COL13A1: variants seen among roughly 807,000 people sequenced by gnomAD.
COL13A1 encodes collagen type XIII alpha 1 chain.
COL13A1 carries 89 observed loss-of-function variants against 130.9 expected under a neutral mutation model. The ratio of observed to expected loss-of-function variants is 0.68; its 90% CI spans 0.57 to 0.81. The LOEUF is 0.81. Ranked by LOEUF, COL13A1 falls within the 30% of genes least tolerant of loss-of-function variation. COL13A1 has a pLI of 0.00. For missense variants in COL13A1, 879 were observed against 934.6 expected (o/e 0.94, Z 0.78); for synonymous variants, 402 against 341.6 (o/e 1.18, Z -1.95).
intron 28 of COL13A1, among the ~76,000 whole-genome samples, 172 bp from the exon 29 acceptor site, chr10:69,929,871 T>G (rs556399257): frequency 6.6e-6 from 1 of 152,304 alleles, no homozygotes; most frequent in Non-Finnish European, 1.5e-5. Context: ...TGGAGTCCTG[T>G]CTGTAGAAGA....
At chr10:69,852,531 C>A (rs1405020435) in intron 2 of COL13A1, among the ~76,000 whole-genome samples, 1 of 152,380 alleles carries the variant, frequency 6.6e-6, no homozygotes, top group African/African-American at 2.4e-5. Flanking sequence ...CCAGCACCAA[C>A]ATAGAGCAGT....
At chr10:69,933,715 G>A (rs879583869) in intron 31 of COL13A1, among the ~76,000 whole-genome samples, 6 of 152,128 alleles carry the variant, frequency 3.9e-5, no homozygotes, top group Admixed American at 6.5e-5. Context: ...AGCATTATAC[G>A]CACATTGTCC....
At chr10:69,923,272 T>A (rs1330490000) in intron 23 of COL13A1, among the ~76,000 whole-genome samples, 1 of 152,182 alleles carries the variant, frequency 6.6e-6, no homozygotes, top group Non-Finnish European at 1.5e-5. Flanking sequence ...ATCTGGTAGG[T>A]GGCAGCAGTG....
chr10:69,866,916 A>C (rs2058577074), intron 2 of COL13A1, among the ~76,000 whole-genome samples: 1 of 152,194 alleles, frequency 6.6e-6, no homozygotes, highest in Admixed American at 6.5e-5. Context: ...GGGGCCGGGC[A>C]GACACACCAG....
chr10:69,937,633 A>AG lies in COL13A1; in HGVS notation c.1801dup. On this transcript the variant is annotated splice_acceptor_variant, in intron 33 of 40. Coordinates refer to ENST00000645393, the MANE Select transcript of COL13A1 (RefSeq NM_001368882.1). LOFTEE classifies it high-confidence loss of function. ...ATCTCGTCCCCTCTCCCTTTCCTCC[A>AG]GGGGGAAGCAGGACTAGATGGAGCA... 4.1e-6 allele frequency: 6 copies of AG among 1,460,510 alleles called. No individual in the cohort carries two copies. Among genetic ancestry groups the AG allele is most frequent in the South Asian group, 1.1e-5 (1 of 87,680 alleles). 90.5% of individuals were successfully genotyped at this position (1,460,510 alleles called of 1,614,324 possible).
chr10:69,878,778 G>T (rs2134262506), intron 6 of COL13A1, among the ~76,000 whole-genome samples: 1 of 152,330 alleles, frequency 6.6e-6, no homozygotes, highest in South Asian at 2.1e-4. Context: ...ACCATGCCTG[G>T]CCAAGCACAA....
Position 69,917,296 on chromosome 10 carries a change from G to A in COL13A1, c.929G>A (p.Arg310Gln), listed in dbSNP as rs199641433. The change falls in exon 18 of 41, where the codon CGG becomes CAG. Residue 310 changes from arginine to glutamine, a missense_variant. This residue lies in a region of COL13A1 where 715 missense variants were observed against 721.0 expected (regional missense o/e 0.99). Transcript: ENST00000645393. ...TCTCATTTCTTCCTCCAGGGAGAAC[G>A]GGGCATGCCAGGGATGCCAGGCAAG... ...IQGYHGRKGE[R>Q]GMPGMPGKHG... 364 of 1,613,578 alleles carry A rather than the reference G, an allele frequency of 2.3e-4. No individual in the cohort carries two copies. The African/African-American group carries it at 2.4e-3, about 11-fold the overall frequency.
chr10:69,917,817 G>A (rs1565055078), intron 18 of COL13A1, among the ~76,000 whole-genome samples: 1 of 151,988 alleles, frequency 6.6e-6, no homozygotes, highest in Non-Finnish European at 1.5e-5. Flanking sequence ...CAAACACTGG[G>A]GGCGACTGTC....
At chr10:69,820,496 G>A (rs113802154) in intron 1 of COL13A1, among the ~76,000 whole-genome samples, 7 of 152,348 alleles carry the variant, frequency 4.6e-5, no homozygotes, top group Admixed American at 6.5e-5. Flanking sequence ...AGGCAGGTTC[G>A]TACAGTCCCT....
At chr10:69,923,972 A>T in intron 24 of COL13A1, 117 bp downstream of exon 24, 1 of 1,365,704 alleles carries the variant, frequency 7.3e-7, no homozygotes, top group Non-Finnish European at 1.0e-6. Context: ...GGCCATGACC[A>T]CTGGCTTCCC....
intron 2 of COL13A1, among the ~76,000 whole-genome samples, chr10:69,827,899 A>G (rs949472255): frequency 7.2e-5 from 11 of 152,250 alleles, no homozygotes; most frequent in Non-Finnish European, 1.2e-4. Flanking sequence ...GCAGCAGCGC[A>G]GACCCCGAGC....
intron 2 of COL13A1, among the ~76,000 whole-genome samples, chr10:69,823,214 C>T (rs747324342): frequency 1.2e-4 from 18 of 152,182 alleles, no homozygotes; most frequent in Non-Finnish European, 2.5e-4. Flanking sequence ...GCATTGTCCA[C>T]CATGAATGCA....
At chr10:69,880,858 C>T (rs1197014746) in intron 7 of COL13A1, among the ~76,000 whole-genome samples, 1 of 152,214 alleles carries the variant, frequency 6.6e-6, no homozygotes, top group Non-Finnish European at 1.5e-5. Context: ...AGAAAGGGCT[C>T]GCTCTCCTCC....
At chr10:69,856,965 C>T (rs1564858413) in intron 2 of COL13A1, among the ~76,000 whole-genome samples, 2 of 151,610 alleles carry the variant, frequency 1.3e-5, no homozygotes, top group African/African-American at 4.9e-5. Flanking sequence ...CCACCTCGCC[C>T]ACACAAGGGC....
At chr10:69,814,574 G>A (rs1039899864) in intron 1 of COL13A1, among the ~76,000 whole-genome samples, 2 of 152,206 alleles carry the variant, frequency 1.3e-5, no homozygotes, top group African/African-American at 4.8e-5. Context: ...ATTTTATCCT[G>A]CCAGCTGTCT....
At chr10:69,867,848 T>A in intron 3 of COL13A1, 43 bp downstream of exon 3, 1 of 718,250 alleles carries the variant, frequency 1.4e-6, no homozygotes, top group Non-Finnish European at 2.6e-6. Flanking sequence ...GAAAGGCCTG[T>A]GTCACCTGCT....
At chr10:69,874,772 G>A (rs746574754) in intron 4 of COL13A1, among the ~76,000 whole-genome samples, 7 of 152,162 alleles carry the variant, frequency 4.6e-5, no homozygotes, top group Non-Finnish European at 8.8e-5. Flanking sequence ...TAAAGATGAG[G>A]CACATCCTGG....
intron 38 of COL13A1, among the ~76,000 whole-genome samples, chr10:69,948,824 A>AG (rs35689681): frequency 0.086 from 13,011 of 152,088 alleles, 1,013 homozygotes; most frequent in African/African-American, 0.21. Context: ...TCACAGACAG[A>AG]GGGAGGGTGG....
intron 38 of COL13A1, among the ~76,000 whole-genome samples, chr10:69,952,366 CAT>C (rs1433232526): frequency 1.3e-5 from 2 of 152,258 alleles, no homozygotes; most frequent in South Asian, 2.1e-4. Context: ...CATATACACA[CAT>C]GTGCACAAGC....
Sources: gnomAD v4.1 joint callset for allele counts (sites outside exome capture counted in the v4.1 genomes callset) on GRCh38, gnomAD v4.1.1 for gene constraint, gnomAD v4.1.1 regional missense constraint, MANE v1.5 for transcripts, NCBI Gene and HGNC (gene_info 2026-07-23, HGNC 2026-07-21) for gene names.